ERICH6: variants seen among roughly 807,000 people sequenced by gnomAD.
ERICH6 encodes glutamate-rich protein 6.
ERICH6 carries 71 observed loss-of-function variants against 71.0 expected under a neutral mutation model. The ratio of observed to expected loss-of-function variants is 1.00; its 90% CI spans 0.83 to 1.22. ERICH6 has a LOEUF of 1.22. Among genes scored for constraint, ERICH6 ranks in the 50% most tolerant of loss-of-function variants. The pLI is 0.00. For missense variants in ERICH6, 808 were observed against 797.2 expected (o/e 1.01, Z -0.16); for synonymous variants, 262 against 278.4 (o/e 0.94, Z 0.59).
intron 5 of ERICH6, 33 bp downstream of exon 5, chr3:150,685,933 A>T (rs1482586014): frequency 1.9e-6 from 3 of 1,596,904 alleles, no homozygotes; most frequent in East Asian, 4.5e-5. Context: ...CTATGAGAAC[A>T]GTGTACTAGT....
intron 3 of ERICH6, among the ~76,000 whole-genome samples, chr3:150,689,126 C>A (rs1277974940): frequency 6.6e-6 from 1 of 152,122 alleles, no homozygotes; most frequent in Non-Finnish European, 1.5e-5. Context: ...CTTGGAAGCA[C>A]CCCCTCCAGA....
intron 10 of ERICH6, among the ~76,000 whole-genome samples, chr3:150,677,741 C>G (rs186808893): frequency 9.2e-5 from 14 of 152,198 alleles, no homozygotes; most frequent in Admixed American, 9.2e-4. Flanking sequence ...CAGCAATCCG[C>G]CTGCTTTGGC....
At chr3:150,680,752 G>A (rs771631927) in intron 8 of ERICH6, 21 bp downstream of exon 8, 4 of 1,586,770 alleles carry the variant, frequency 2.5e-6, no homozygotes, top group Admixed American at 1.9e-5. Flanking sequence ...ATGAGTTTCA[G>A]TATCGAAGTC....
rs992324726 is a variant in ERICH6 at position 150,689,766 on chromosome 3, C to A, written c.554-3412G>T. 2.0e-5 allele frequency among the ~76,000 whole-genome samples: 3 copies of A among 152,168 alleles called. No homozygotes were observed. The East Asian group carries it at 5.8e-4, about 29-fold the overall frequency. ...TTGTACCCTCTGCTGCATGAGGAGC[C>A]TAAAATAGTTTATAATAGCCTGGGG... On this transcript the variant is annotated intron_variant, in intron 3 of 13. Coordinates refer to ENST00000295910, the MANE Select transcript of ERICH6 (RefSeq NM_152394.5).
intron 9 of ERICH6, 88 bp from the exon 10 acceptor site, chr3:150,678,642 T>C: frequency 9.7e-7 from 1 of 1,029,680 alleles, no homozygotes; most frequent in Non-Finnish European, 1.4e-6. Context: ...AACCCCAATA[T>C]AAATGCACTG....
In ERICH6 at chr3:150,678,556, T is replaced by G; in HGVS notation, c.1112-2A>C. On this transcript the variant is annotated splice_acceptor_variant, in intron 9 of 13. Transcript: ENST00000295910. LOFTEE classifies it high-confidence loss of function. ...AAATTGTTTTTAAGCGCTTTGAATC[T>G]AGTGGGAAAAGAATCACATAGAAAT... 6.3e-7 allele frequency: 1 copy of G among 1,587,218 alleles called. No individual in the cohort carries two copies. The highest frequency in any genetic ancestry group is 8.5e-7 in the Non-Finnish European group (1 of 1,172,442).
chr3:150,664,238 T>C (rs776959803), intron 13 of ERICH6, among the ~76,000 whole-genome samples: 2 of 152,186 alleles, frequency 1.3e-5, no homozygotes, highest in South Asian at 2.1e-4. Context: ...TTCAATATTC[T>C]TCAAAATGTA....
At chr3:150,676,108 C>T (rs1308520811) in intron 10 of ERICH6, among the ~76,000 whole-genome samples, 10 of 151,892 alleles carry the variant, frequency 6.6e-5, no homozygotes, top group African/African-American at 2.2e-4. Context: ...GTTCCATACA[C>T]TCTCTCTTGT....
At chr3:150,664,623 G>C (rs143549518) in intron 13 of ERICH6, among the ~76,000 whole-genome samples, 1 of 151,286 alleles carries the variant, frequency 6.6e-6, no homozygotes, top group Non-Finnish European at 1.5e-5. Flanking sequence ...CTCCAGTCTG[G>C]GCAACAGAGC....
intron 9 of ERICH6, among the ~76,000 whole-genome samples, chr3:150,679,366 C>T (rs1298669711): frequency 2.6e-5 from 4 of 152,014 alleles, no homozygotes; most frequent in African/African-American, 9.7e-5. Context: ...CCCTCACTAC[C>T]CTCCCACCCT....
At chr3:150,672,135 G>GT (rs1274791912) in intron 11 of ERICH6, among the ~76,000 whole-genome samples, 2 of 151,600 alleles carry the variant, frequency 1.3e-5, no homozygotes, top group Middle Eastern at 3.2e-3. Flanking sequence ...CCTGTGGATG[G>GT]TTTTTTGGGG....
intron 3 of ERICH6, among the ~76,000 whole-genome samples, chr3:150,696,792 A>G (rs1425525980): frequency 6.6e-6 from 1 of 152,162 alleles, no homozygotes; most frequent in Admixed American, 6.5e-5. Context: ...CAAATATAGG[A>G]AAGAGTAGGA....
At chr3:150,661,844 A>ACGAGTGT (rs1727234431) in intron 13 of ERICH6, among the ~76,000 whole-genome samples, 1 of 152,048 alleles carries the variant, frequency 6.6e-6, no homozygotes, top group Non-Finnish European at 1.5e-5. Context: ...TCACGCCACT[A>ACGAGTGT]CACTCCAGCC....
intron 3 of ERICH6, among the ~76,000 whole-genome samples, chr3:150,690,501 T>G (rs925640595): frequency 2.0e-5 from 3 of 152,168 alleles, no homozygotes; most frequent in African/African-American, 7.2e-5. Flanking sequence ...ACTGTTTCAT[T>G]ACTGAAAAGA....
In ERICH6 at chr3:150,666,895, C is replaced by T. The variant is rs756563001; in HGVS notation, c.1620G>A (p.Leu540=). 17 of 1,613,904 alleles carry T rather than the reference C, an allele frequency of 1.1e-5. No individual in the cohort carries two copies. Among genetic ancestry groups the T allele is most frequent in the Non-Finnish European group, 1.4e-5 (16 of 1,180,030 alleles). ...GGACTCCAATATAACGGTTCAAAGC[C>T]AGAAAGACAGGTTTAAATGAAACAA... ...SPFVSFKPVF[L]ALNRYIGVRI... Residue 540 remains leucine (L), a synonymous_variant, in exon 13 of 14, where the codon CTG becomes CTA. Coordinates refer to ENST00000295910, the MANE Select transcript of ERICH6 (RefSeq NM_152394.5).
chr3:150,679,783 G>A (rs1477505476), intron 9 of ERICH6, among the ~76,000 whole-genome samples: 2 of 151,644 alleles, frequency 1.3e-5, no homozygotes, highest in East Asian at 1.9e-4. Flanking sequence ...TCAGCCTCCC[G>A]AGTAGCTGAG....
At chr3:150,672,767 G>T (rs967360703) in intron 11 of ERICH6, among the ~76,000 whole-genome samples, 1 of 151,560 alleles carries the variant, frequency 6.6e-6, no homozygotes, top group East Asian at 1.9e-4. Flanking sequence ...GCTCACACCT[G>T]TAATCTCAGC....
intron 6 of ERICH6, among the ~76,000 whole-genome samples, chr3:150,683,088 G>T (rs1478753818): frequency 6.6e-6 from 1 of 152,108 alleles, no homozygotes; most frequent in African/African-American, 2.4e-5. Context: ...CAACACCAGG[G>T]CATCTGTATA....
At position 150,680,473 on chromosome 3, in the gene ERICH6, T is replaced by A. The variant is rs763815823; in HGVS notation, c.1106A>T (p.Glu369Val). The A allele has an allele frequency of 5.0e-6, 8 of 1,614,064 alleles. No homozygotes were observed. The highest frequency in any genetic ancestry group is 1.7e-5 in the Admixed American group (1 of 60,006). The change falls in exon 9 of 14, where the codon GAA (glutamate) becomes GTA (valine). Residue 369 changes from glutamate to valine, a missense_variant. Glu to Val is a moderately radical substitution (Grantham distance 121). Around this residue, in one of 3 missense-constraint regions of ERICH6, gnomAD observed 736 missense variants for 712.2 expected, o/e 1.03. Transcript: ENST00000295910. ...IISREQTHFSEDDSKRLKTIS... is the reference protein window; with the variant it reads ...IISREQTHFSVDDSKRLKTIS... Reference sequence around the variant, plus strand: ...ATCAGCACTAATGAACTCACCATCTTCAGAGAAATGAGTCTGTTCCCTTGA... The same window carrying A: ...ATCAGCACTAATGAACTCACCATCTACAGAGAAATGAGTCTGTTCCCTTGA...
Sources: gnomAD v4.1 joint callset for allele counts (sites outside exome capture counted in the v4.1 genomes callset) on GRCh38, gnomAD v4.1.1 for gene constraint, gnomAD v4.1.1 regional missense constraint, MANE v1.5 for transcripts, NCBI Gene and HGNC (gene_info 2026-07-23, HGNC 2026-07-21) for gene names.